The following ANKRD55 variants were observed in gnomAD, a reference collection of about 807,000 sequenced individuals.
The protein encoded by ANKRD55 is ankyrin repeat domain-containing protein 55.
ANKRD55 carries 41 observed loss-of-function variants against 60.6 expected under a neutral mutation model. That is an observed-to-expected ratio of 0.68 (90% confidence interval 0.53 to 0.88). The LOEUF is 0.88. Ranked by LOEUF, ANKRD55 falls within the 40% of genes least tolerant of loss-of-function variation. The probability of loss-of-function intolerance (pLI) is 0.00; values close to 1 mark genes in which losing one functional copy is unlikely to be tolerated. For missense variants in ANKRD55, 732 were observed against 767.6 expected, an observed-to-expected ratio of 0.95 and a Z score of 0.55; for synonymous variants, 264 against 290.3, an observed-to-expected ratio of 0.91 and a Z score of 0.92.
chr5:56,161,682 C>T (rs547772362), intron 5 of ANKRD55, among the ~76,000 whole-genome samples: 2 of 152,290 alleles, frequency 1.3e-5, no homozygotes, highest in African/African-American at 4.8e-5. Context: ...TCTGACCTCA[C>T]TACTGCACGA....
intron 7 of ANKRD55, among the ~76,000 whole-genome samples, chr5:56,140,722 C>T (rs938076348): frequency 2.0e-5 from 3 of 152,124 alleles, no homozygotes; most frequent in Non-Finnish European, 4.4e-5. Context: ...TGCTTCTAAA[C>T]CCTAGCTGCA....
intron 6 of ANKRD55, among the ~76,000 whole-genome samples, chr5:56,151,933 A>G (rs1343813208): frequency 1.3e-5 from 2 of 149,332 alleles, no homozygotes; most frequent in African/African-American, 4.9e-5. Context: ...GTATATATGT[A>G]TATATGTGTG....
chr5:56,182,390 C>A (rs6881411), intron 3 of ANKRD55, among the ~76,000 whole-genome samples: 4,782 of 152,122 alleles, frequency 0.031, 271 homozygotes, highest in African/African-American at 0.11. Flanking sequence ...CTGAGTTTTA[C>A]CATTGTGATG....
In ANKRD55 at chr5:56,166,086, T is replaced by TTTTTCTTTCTTTCTTTCTTTC. The variant is rs1554040774; in HGVS notation, c.422+4607_422+4608insGAAAGAAAGAAAGAAAGAAAA. On this transcript the variant is annotated intron_variant, in intron 5 of 11. Transcript: ENST00000341048. ...CACCCTTCAGGGATCTTTCTTTTCT[T>TTTTTCTTTCTTTCTTTCTTTC]TTTCTTTCTTTCTTTCTTTCTTTCT... Among the ~76,000 whole-genome samples the TTTTTCTTTCTTTCTTTCTTTC allele has an allele frequency of 8.9e-4, 82 of 91,838 alleles. 7 individuals carry two copies. Among genetic ancestry groups the TTTTTCTTTCTTTCTTTCTTTC allele is most frequent in the East Asian group, 4.8e-3 (14 of 2,926 alleles). 60.2% of individuals were successfully genotyped at this position (91,838 alleles called of 152,430 possible). A position where few individuals can be genotyped will look rare whatever the true frequency, so the allele number is the denominator to read the frequency against.
At chr5:56,136,996 T>A (rs906756953) in intron 7 of ANKRD55, 9 of 661,696 alleles carry the variant, frequency 1.4e-5, no homozygotes, top group Non-Finnish European at 2.8e-6. Flanking sequence ...GCTCTTCACT[T>A]GACCCAGAGA....
chr5:56,187,297 G>C (rs948823156), intron 2 of ANKRD55, among the ~76,000 whole-genome samples: 1 of 152,194 alleles, frequency 6.6e-6, no homozygotes, highest in Non-Finnish European at 1.5e-5. Context: ...GTAGTAAAGA[G>C]AGCTCACTAA....
chr5:56,230,310 G>A (rs916772776), intron 2 of ANKRD55, among the ~76,000 whole-genome samples: 1 of 152,146 alleles, frequency 6.6e-6, no homozygotes, highest in African/African-American at 2.4e-5. Context: ...GGCCAGGATG[G>A]TCTCGATCTC....
intron 2 of ANKRD55, among the ~76,000 whole-genome samples, chr5:56,187,221 T>A (rs545319556): frequency 6.6e-6 from 1 of 152,296 alleles, no homozygotes; most frequent in African/African-American, 2.4e-5. Context: ...TAAGCCTAGC[T>A]GGGAAGGTGA....
chr5:56,209,330 A>G (rs1449584822), intron 2 of ANKRD55, among the ~76,000 whole-genome samples: 1 of 152,238 alleles, frequency 6.6e-6, no homozygotes, highest in East Asian at 1.9e-4. Context: ...AAAATGTGAC[A>G]TAAAATCCCA....
intron 2 of ANKRD55, among the ~76,000 whole-genome samples, chr5:56,228,307 C>T (rs1209483944): frequency 2.0e-5 from 3 of 152,024 alleles, no homozygotes; most frequent in African/African-American, 4.8e-5. Flanking sequence ...GAGCGATGCA[C>T]ACAGACGAGG....
At position 56,183,480 on chromosome 5, in the gene ANKRD55, C is replaced by T. The variant is rs1311782568; in HGVS notation, c.181+32G>A. ...CCATCTCTAAAAAAATAGAGCAGAA[C>T]ATTCTGGATTCAAAATGCATACATA... On this transcript the variant is annotated intron_variant, in intron 3 of 11. Coordinates refer to ENST00000341048, the MANE Select transcript of ANKRD55 (RefSeq NM_024669.3). 5.0e-6 allele frequency: 8 copies of T among 1,611,882 alleles called. No individual in the cohort carries two copies. In the South Asian group the frequency reaches 8.8e-5, roughly 18 times the overall value.
chr5:56,191,391 C>T (rs961936344), intron 2 of ANKRD55, among the ~76,000 whole-genome samples: 1 of 152,120 alleles, frequency 6.6e-6, no homozygotes, highest in Non-Finnish European at 1.5e-5. Flanking sequence ...TTCAGCAATG[C>T]TTTGTAGTTT....
Position 56,135,272 on chromosome 5 carries a change from C to CCTTCCTTCCTTCCTTCTT in ANKRD55, c.613-8167_613-8166insAAGAAGGAAGGAAGGAAG, listed in dbSNP as rs1428649118. On this transcript the variant is annotated intron_variant, in intron 7 of 11. Transcript: ENST00000341048. The stretch of plus-strand genomic sequence containing the variant: ...CTTCCTTCCTTCCTTCTTTCCCTCC[C>CCTTCCTTCCTTCCTTCTT]TCCCTCCCTGCCTGCCTGCTTGCTT... Among the ~76,000 whole-genome samples, 7 of 104,202 alleles carry CCTTCCTTCCTTCCTTCTT rather than the reference C, an allele frequency of 6.7e-5. 1 individual carries two copies. The highest frequency in any genetic ancestry group is 3.8e-4 in the East Asian group (1 of 2,618). The allele number at this position is 104,202 out of a possible 152,430, so 68.4% of individuals were successfully genotyped here.
At chr5:56,183,762 G>T in intron 2 of ANKRD55, 128 bp from the exon 3 acceptor site, 1 of 1,231,860 alleles carries the variant, frequency 8.1e-7, no homozygotes, top group Non-Finnish European at 1.1e-6. Flanking sequence ...CAGAAGTCTG[G>T]GTCATCCTGG....
chr5:56,150,958 C>T lies in ANKRD55; in HGVS notation c.484-7029G>A, dbSNP rs77169464. On this transcript the variant is annotated intron_variant, in intron 6 of 11. Transcript: ENST00000341048. ...TGTATTTTAATATTTTGATTTCTTT[C>T]GCAATCTTATATGTTTCATTTTCTG... is the stretch of plus-strand genomic sequence containing the variant. Among the ~76,000 whole-genome samples the T allele has an allele frequency of 5.2e-3, 787 of 152,256 alleles. 23 individuals are homozygous for T. The highest frequency in any genetic ancestry group is 0.038 in the Admixed American group (577 of 15,298).
chr5:56,229,093 GTTTTTTTTTTT>G (rs77788173), intron 2 of ANKRD55, among the ~76,000 whole-genome samples: 3 of 126,774 alleles, frequency 2.4e-5, no homozygotes, highest in African/African-American at 8.9e-5. Flanking sequence ...CCCCTCGCCT[GTTTTTTTTTTT>G]TTTTTTCCCT....
At chr5:56,148,871 T>TA (rs879796230) in intron 6 of ANKRD55, among the ~76,000 whole-genome samples, 4 of 152,094 alleles carry the variant, frequency 2.6e-5, no homozygotes, top group Non-Finnish European at 5.9e-5. Context: ...TTAAGAATTA[T>TA]AGCAGGTGTC....
At chr5:56,113,669 A>G (rs1409940077) in intron 9 of ANKRD55, among the ~76,000 whole-genome samples, 1 of 152,174 alleles carries the variant, frequency 6.6e-6, no homozygotes, top group East Asian at 1.9e-4. Flanking sequence ...ACAGAGAGTA[A>G]AACAGTGATT....
Position 56,116,742 on chromosome 5 carries a change from A to G in ANKRD55, c.838T>C (p.Cys280Arg), listed in dbSNP as rs983787813. Residue 280 changes from cysteine (C) to arginine (R), a missense_variant, in exon 9 of 12, where the codon TGT becomes CGT. Physicochemically the swap from Cys to Arg is radical, Grantham distance 180. Around this residue, in one of 3 missense-constraint regions of ANKRD55, gnomAD observed 597 missense variants for 607.5 expected, o/e 0.98. Coordinates refer to ENST00000341048, the MANE Select transcript of ANKRD55 (RefSeq NM_024669.3). ...CCCAACTCCAGCAGTGACTGGACAC[A>G]TTCGGCCTTCCCTGCAGCTGCAGCC... is the stretch of plus-strand genomic sequence containing the variant. ...HWAAAAGKAE[C>R]VQSLLELGMD... The G allele has an allele frequency of 1.9e-6, 3 of 1,613,700 alleles. No individual in the cohort carries two copies. Among genetic ancestry groups the G allele is most frequent in the Admixed American group, 1.7e-5 (1 of 59,962 alleles).
Sources: allele counts gnomAD v4.1 joint callset (sites outside exome capture counted in the v4.1 genomes callset), GRCh38; gene constraint gnomAD v4.1.1; regional missense constraint gnomAD v4.1.1; transcripts MANE v1.5; gene names NCBI Gene and HGNC (gene_info 2026-07-23, HGNC 2026-07-21).